FRAS1: variants seen among roughly 807,000 people sequenced by gnomAD.
FRAS1 encodes Fraser extracellular matrix complex subunit 1, also known as extracellular matrix organizing protein FRAS1.
Under a neutral mutation model 435.2 loss-of-function variants are expected in FRAS1, and 290 were observed. The ratio of observed to expected loss-of-function variants is 0.67; its 90% CI spans 0.61 to 0.73. The LOEUF (loss-of-function observed/expected upper bound fraction) is 0.73, where lower values mean the gene tolerates loss of function less well. Ranked by LOEUF, FRAS1 falls within the 30% of genes least tolerant of loss-of-function variation. FRAS1 has a pLI of 0.00. For synonymous variants in FRAS1, 1,800 were observed against 1,851.0 expected, an observed-to-expected ratio of 0.97 and a Z score of 0.71; for missense variants, 4,860 against 5,001.5, an observed-to-expected ratio of 0.97 and a Z score of 0.85.
intron 2 of FRAS1, among the ~76,000 whole-genome samples, chr4:78,177,425 G>T (rs1366541580): frequency 5.9e-5 from 9 of 152,212 alleles, no homozygotes; most frequent in African/African-American, 2.2e-4. Flanking sequence ...CTTAATGGTG[G>T]AGTATGGCCA....
At chr4:78,471,299 C>A (rs1719699959) in intron 51 of FRAS1, among the ~76,000 whole-genome samples, 1 of 152,102 alleles carries the variant, frequency 6.6e-6, no homozygotes, top group Admixed American at 6.5e-5. Flanking sequence ...TTACCATCTC[C>A]ATGGAGCTAA....
At chr4:78,058,154 G>A in intron 1 of FRAS1, 69 bp downstream of exon 1, 2 of 1,385,394 alleles carry the variant, frequency 1.4e-6, no homozygotes, top group East Asian at 2.4e-5. Context: ...GTGAGTGATC[G>A]TGCAGTTTAA....
intron 30 of FRAS1, among the ~76,000 whole-genome samples, chr4:78,403,106 CTA>C (rs1241565084): frequency 2.6e-5 from 4 of 152,106 alleles, no homozygotes; most frequent in Non-Finnish European, 5.9e-5. Context: ...TGATTTTAAG[CTA>C]GATATTTTTA....
chr4:78,068,687 G>A (rs1279754389), intron 2 of FRAS1: 2 of 411,958 alleles, frequency 4.9e-6, no homozygotes, highest in Non-Finnish European at 9.6e-6. Flanking sequence ...AGACTCCATA[G>A]GGGTGAGTCA....
chr4:78,507,513 C>T lies in FRAS1; in HGVS notation c.9409C>T (p.Pro3137Ser), dbSNP rs1253221715. 38 of 1,611,792 alleles carry T rather than the reference C, an allele frequency of 2.4e-5. No homozygotes were observed. Among genetic ancestry groups the T allele is most frequent in the Non-Finnish European group, 3.1e-5 (37 of 1,179,108 alleles). The change falls in exon 62 of 74, where the codon CCA (proline) becomes TCA (serine). Residue 3137 changes from proline to serine, a missense_variant. Physicochemically the swap from Pro to Ser is moderately conservative, Grantham distance 74. Transcript: ENST00000512123. ...SFSLVLGPDD[P>S]VEAVLGDVTT... ...CTCACTAGTCCTTGGCCCAGATGAC[C>T]CAGTGGAAGCAGTTCTTGGGGATGT...
At chr4:78,181,849 T>C in intron 2 of FRAS1, 2 of 1,612,088 alleles carry the variant, frequency 1.2e-6, no homozygotes, top group Middle Eastern at 2.3e-4. Flanking sequence ...GCTGTTTGCC[T>C]GCCGCGTTGG....
chr4:78,117,303 A>G (rs1048478775), intron 2 of FRAS1, among the ~76,000 whole-genome samples: 7 of 152,140 alleles, frequency 4.6e-5, no homozygotes, highest in Non-Finnish European at 7.3e-5. Flanking sequence ...TCGGACAATT[A>G]TGTGTCTTGG....
intron 20 of FRAS1, among the ~76,000 whole-genome samples, chr4:78,344,095 C>T (rs1268951142): frequency 7.6e-6 from 1 of 132,446 alleles, no homozygotes; most frequent in African/African-American, 3.3e-5. Flanking sequence ...CCCTCAATGC[C>T]TGGTTCAGAT....
intron 12 of FRAS1, 106 bp from the exon 13 acceptor site, chr4:78,284,299 A>T: frequency 1.4e-6 from 1 of 726,932 alleles, no homozygotes. Context: ...TCTGTTCTTC[A>T]TGTTCTATGT....
chr4:78,288,890 G>A (rs1310187460), intron 14 of FRAS1, among the ~76,000 whole-genome samples: 1 of 152,150 alleles, frequency 6.6e-6, no homozygotes, highest in Non-Finnish European at 1.5e-5. Context: ...CACTCAGCTG[G>A]TGCTCTTCCA....
chr4:78,105,034 G>A (rs1311306383), intron 2 of FRAS1, among the ~76,000 whole-genome samples: 1 of 152,056 alleles, frequency 6.6e-6, no homozygotes, highest in Non-Finnish European at 1.5e-5. Flanking sequence ...TTCCTTTCCA[G>A]GGTTTTCCTT....
chr4:78,131,915 T>C lies in FRAS1; in HGVS notation c.108+65899T>C, dbSNP rs371329694. Among the ~76,000 whole-genome samples, 39 of 152,326 alleles carry C rather than the reference T, an allele frequency of 2.6e-4. 2 individuals are homozygous for C. The highest frequency in any genetic ancestry group is 8.9e-4 in the African/African-American group (37 of 41,578). ...ATCTGGGTAATAGCGTCTGCATGGA[T>C]TTAAGTAGTTGCTGATAAGTAGGTA... On this transcript the variant is annotated intron_variant, in intron 2 of 73. Transcript: ENST00000512123.
intron 20 of FRAS1, among the ~76,000 whole-genome samples, chr4:78,362,452 T>G (rs1168412403): frequency 6.6e-6 from 1 of 152,194 alleles, no homozygotes; most frequent in Non-Finnish European, 1.5e-5. Context: ...TGTTAGTGAG[T>G]GCAGGATCTG....
intron 2 of FRAS1, among the ~76,000 whole-genome samples, chr4:78,137,219 T>A (rs765467980): frequency 6.6e-6 from 1 of 152,188 alleles, no homozygotes; most frequent in Non-Finnish European, 1.5e-5. Context: ...ATGCAAACCT[T>A]ATAAGAGTCT....
chr4:78,518,430 ATATATATATATATATATATATATTTATT>A (rs1469361164), intron 66 of FRAS1, among the ~76,000 whole-genome samples: 1 of 56,054 alleles, frequency 1.8e-5, no homozygotes, highest in African/African-American at 5.3e-5. Flanking sequence ...GTGTATATAT[ATATATATATATATATATATATATTTATT>A]TATTTATTTA....
intron 2 of FRAS1, among the ~76,000 whole-genome samples, chr4:78,067,352 C>T (rs1740090085): frequency 6.6e-6 from 1 of 152,000 alleles, no homozygotes; most frequent in African/African-American, 2.4e-5. Flanking sequence ...TGTTGTTCTG[C>T]CTATATGTGA....
At chr4:78,536,786 A>C (rs1282689305) in intron 71 of FRAS1, among the ~76,000 whole-genome samples, 3 of 152,240 alleles carry the variant, frequency 2.0e-5, no homozygotes, top group African/African-American at 7.2e-5. Context: ...AATGTTCCCT[A>C]GCAAGAAAAC....
intron 2 of FRAS1, among the ~76,000 whole-genome samples, chr4:78,213,757 A>G (rs968079532): frequency 6.6e-6 from 1 of 152,190 alleles, no homozygotes; most frequent in Non-Finnish European, 1.5e-5. Flanking sequence ...TTTTAAATTC[A>G]TTAACTCTGC....
intron 24 of FRAS1, 135 bp from the exon 25 acceptor site, chr4:78,373,976 T>C: frequency 1.4e-6 from 1 of 718,980 alleles, no homozygotes; most frequent in Non-Finnish European, 2.1e-6. Context: ...CCCAGACTCC[T>C]TGACTCTTCA....
Sources: gnomAD v4.1 joint callset for allele counts (sites outside exome capture counted in the v4.1 genomes callset) on GRCh38, gnomAD v4.1.1 for gene constraint, MANE v1.5 for transcripts, NCBI Gene and HGNC (gene_info 2026-07-23, HGNC 2026-07-21) for gene names.